Variants in PCDH15 observed in about 807,000 individuals in gnomAD.
PCDH15 encodes protocadherin-15.
Under a neutral mutation model 178.5 loss-of-function variants are expected in PCDH15, and 129 were observed. That is an observed-to-expected ratio of 0.72 (90% CI 0.63 to 0.84). PCDH15 has a LOEUF of 0.84. Among genes scored for constraint, PCDH15 ranks in the 40% least tolerant of loss-of-function variants. The pLI, the probability that PCDH15 is intolerant of heterozygous loss-of-function variation, is 0.00. For missense variants in PCDH15, 2,230 were observed against 2,099.9 expected (o/e 1.06, Z -1.21); for synonymous variants, 800 against 732.0 (o/e 1.09, Z -1.50).
At chr10:53,809,633 T>G in intron 37 of PCDH15, 1 of 1,281,312 alleles carries the variant, frequency 7.8e-7, no homozygotes, top group South Asian at 1.4e-5. Flanking sequence ...CAGGAATGAA[T>G]CTGTGGGTGA....
intron 2 of PCDH15, among the ~76,000 whole-genome samples, chr10:55,478,222 G>A (rs1027977911): frequency 2.6e-5 from 4 of 151,876 alleles, no homozygotes; most frequent in South Asian, 2.1e-4. Flanking sequence ...GTGATAGTAT[G>A]AGACTTCAGC....
At chr10:55,280,026 T>C (rs1430104804) in intron 1 of PCDH15, among the ~76,000 whole-genome samples, 3 of 152,080 alleles carry the variant, frequency 2.0e-5, no homozygotes, top group Non-Finnish European at 4.4e-5. Context: ...GCAAGATGAT[T>C]TATTGCTAGA....
At chr10:54,153,389 A>C (rs2044755051) in intron 13 of PCDH15, 96 bp from the exon 14 acceptor site, 6 of 1,374,154 alleles carry the variant, frequency 4.4e-6, no homozygotes, top group African/African-American at 1.4e-5. Flanking sequence ...CTTTCAAAGA[A>C]AAAAACACAG....
intron 1 of PCDH15, among the ~76,000 whole-genome samples, chr10:54,769,878 T>A (rs1433653909): frequency 6.6e-6 from 1 of 152,144 alleles, no homozygotes; most frequent in Non-Finnish European, 1.5e-5. Context: ...AGCAAATACC[T>A]TTTTGTCTGT....
At chr10:55,094,250 A>T (rs978097716) in intron 2 of PCDH15, among the ~76,000 whole-genome samples, 3 of 152,094 alleles carry the variant, frequency 2.0e-5, no homozygotes, top group African/African-American at 7.2e-5. Flanking sequence ...AGGGACATGG[A>T]TGAAGCTGGA....
At chr10:55,102,504 T>C (rs1443543083) in intron 2 of PCDH15, among the ~76,000 whole-genome samples, 1 of 152,144 alleles carries the variant, frequency 6.6e-6, no homozygotes, top group East Asian at 1.9e-4. Flanking sequence ...TAACTAATAC[T>C]AAAATAGAAC....
intron 3 of PCDH15, among the ~76,000 whole-genome samples, chr10:54,450,157 A>ATATG (rs1179299468): frequency 7.4e-6 from 1 of 135,360 alleles, no homozygotes; most frequent in African/African-American, 2.7e-5. Context: ...ATATATATAT[A>ATATG]TTATACTTTA....
chr10:54,106,085 T>G (rs897825739), intron 15 of PCDH15, among the ~76,000 whole-genome samples: 5 of 152,294 alleles, frequency 3.3e-5, no homozygotes, highest in African/African-American at 1.2e-4. Flanking sequence ...TAGACAAATT[T>G]AAAGACACAG....
intron 37 of PCDH15, among the ~76,000 whole-genome samples, chr10:53,809,702 A>G (rs955571620): frequency 5.3e-5 from 8 of 152,332 alleles, no homozygotes; most frequent in African/African-American, 1.7e-4. Context: ...TTTCTACTGC[A>G]TATAGACAGA....
At chr10:53,838,525 T>A (rs1355728351) in intron 29 of PCDH15, among the ~76,000 whole-genome samples, 1 of 152,136 alleles carries the variant, frequency 6.6e-6, no homozygotes, top group African/African-American at 2.4e-5. Flanking sequence ...CACCATTATT[T>A]TACTCTTTAA....
chr10:53,887,651 G>A (rs1366251969), intron 26 of PCDH15, among the ~76,000 whole-genome samples: 2 of 152,172 alleles, frequency 1.3e-5, no homozygotes, highest in African/African-American at 4.8e-5. Context: ...CACTTTGGGA[G>A]GCCGAGGCGG....
chr10:54,800,567 T>G (rs1340113854), intron 1 of PCDH15, among the ~76,000 whole-genome samples: 4 of 152,196 alleles, frequency 2.6e-5, no homozygotes, highest in Non-Finnish European at 2.9e-5. Flanking sequence ...TGATGCCATT[T>G]TTCTGTATTT....
chr10:54,830,699 C>T (rs11004589), intron 3 of PCDH15, among the ~76,000 whole-genome samples: 25,078 of 151,210 alleles, frequency 0.17, 2,660 homozygotes, highest in Non-Finnish European at 0.24. Context: ...CAAACCTGCA[C>T]ATTATGTACA....
At chr10:55,140,251 T>C (rs554140403) in intron 2 of PCDH15, among the ~76,000 whole-genome samples, 5 of 152,042 alleles carry the variant, frequency 3.3e-5, no homozygotes, top group African/African-American at 9.6e-5. Flanking sequence ...GCTAGAATTT[T>C]TGGTACTATG....
chr10:54,103,937 A>G (rs1170400158), intron 15 of PCDH15, among the ~76,000 whole-genome samples: 1 of 152,128 alleles, frequency 6.6e-6, no homozygotes, highest in African/African-American at 2.4e-5. Flanking sequence ...ATAACAAAAC[A>G]AAATAAACTC....
chr10:53,820,410 T>C (rs2076216297), intron 32 of PCDH15, among the ~76,000 whole-genome samples, 180 bp from the exon 33 acceptor site: 1 of 151,944 alleles, frequency 6.6e-6, no homozygotes. Flanking sequence ...ATTGAAGAAA[T>C]ATGAGGGATG....
intron 1 of PCDH15, among the ~76,000 whole-genome samples, chr10:55,215,547 G>A (rs905813576): frequency 7.2e-5 from 11 of 151,944 alleles, no homozygotes; most frequent in African/African-American, 2.4e-4. Context: ...AACAACACAG[G>A]TCACATGTGC....
intron 2 of PCDH15, among the ~76,000 whole-genome samples, chr10:55,427,099 G>A (rs1011496931): frequency 1.1e-4 from 16 of 151,998 alleles, no homozygotes; most frequent in African/African-American, 2.2e-4. Flanking sequence ...GTGGGCCCTC[G>A]CCAGAGACCT....
chr10:54,884,235 G>T (rs1360983798), intron 3 of PCDH15, among the ~76,000 whole-genome samples: 1 of 151,886 alleles, frequency 6.6e-6, no homozygotes, highest in Non-Finnish European at 1.5e-5. Flanking sequence ...ACCTTTGTTA[G>T]ATAAGTAGTT....
Sources: gnomAD v4.1 joint callset for allele counts (sites outside exome capture counted in the v4.1 genomes callset) on GRCh38, gnomAD v4.1.1 for gene constraint, MANE v1.5 for transcripts, NCBI Gene and HGNC (gene_info 2026-07-23, HGNC 2026-07-21) for gene names.